TNS3: variants seen among roughly 807,000 people sequenced by gnomAD.
TNS3 encodes the protein tensin 3.
TNS3 carries 45 observed loss-of-function variants against 140.9 expected under a neutral mutation model. That is an observed-to-expected ratio of 0.32 (90% CI 0.25 to 0.41). The LOEUF is 0.41. TNS3 is among the 10% of genes least tolerant of loss of function. The probability of loss-of-function intolerance (pLI) is 1.00; values close to 1 mark genes in which losing one functional copy is unlikely to be tolerated. For synonymous variants in TNS3, 815 were observed against 788.4 expected (o/e 1.03, Z -0.56); for missense variants, 1,716 against 1,906.7 (o/e 0.90, Z 1.86).
At chr7:47,311,572 T>C (rs898909363) in intron 20 of TNS3, among the ~76,000 whole-genome samples, 7 of 151,888 alleles carry the variant, frequency 4.6e-5, no homozygotes, top group African/African-American at 1.5e-4. Context: ...GCAAAAGAAA[T>C]TGTGAGTGAA....
chr7:47,460,609 C>T (rs891694947), intron 4 of TNS3, among the ~76,000 whole-genome samples: 12 of 152,244 alleles, frequency 7.9e-5, no homozygotes. Context: ...TGGCAGGAAG[C>T]CAGGCTGACT....
chr7:47,481,444 C>T (rs1430063926), intron 3 of TNS3, among the ~76,000 whole-genome samples: 1 of 152,126 alleles, frequency 6.6e-6, no homozygotes, highest in Non-Finnish European at 1.5e-5. Flanking sequence ...ACTGGTAGAC[C>T]TCAAGGATGG....
intron 3 of TNS3, among the ~76,000 whole-genome samples, chr7:47,483,836 C>T (rs1026944053): frequency 3.9e-5 from 6 of 152,254 alleles, no homozygotes; most frequent in Non-Finnish European, 5.9e-5. Flanking sequence ...TAAGTTGGCA[C>T]GCCCAATCTT....
intron 16 of TNS3, among the ~76,000 whole-genome samples, chr7:47,384,152 A>G (rs1791937618): frequency 6.6e-6 from 1 of 152,258 alleles, no homozygotes; most frequent in Admixed American, 6.5e-5. Flanking sequence ...CATCCTCCTG[A>G]GCTGACATCC....
At chr7:47,444,136 G>T (rs1316947519) in intron 4 of TNS3, among the ~76,000 whole-genome samples, 1 of 152,190 alleles carries the variant, frequency 6.6e-6, no homozygotes, top group Non-Finnish European at 1.5e-5. Context: ...CTTAACCAGG[G>T]TCCCATTTAA....
At chr7:47,452,848 G>T in intron 4 of TNS3, 1 of 891,124 alleles carries the variant, frequency 1.1e-6, no homozygotes, top group Non-Finnish European at 1.3e-6. Flanking sequence ...AGTACCGGAG[G>T]CCACAGAGGA....
intron 20 of TNS3, among the ~76,000 whole-genome samples, chr7:47,339,410 T>TGGGTGCCC (rs1788817187): frequency 6.6e-6 from 1 of 152,210 alleles, no homozygotes. Flanking sequence ...GTTTTGCCTG[T>TGGGTGCCC]GGGTGCCCAG....
chr7:47,435,830 T>C (rs1795152543), intron 7 of TNS3, among the ~76,000 whole-genome samples: 3 of 152,130 alleles, frequency 2.0e-5, no homozygotes, highest in Admixed American at 6.5e-5. Context: ...GGACAACACC[T>C]CAGAGACAAT....
intron 20 of TNS3, among the ~76,000 whole-genome samples, chr7:47,308,168 T>C (rs1242325594): frequency 1.3e-5 from 2 of 152,240 alleles, no homozygotes; most frequent in Non-Finnish European, 2.9e-5. Context: ...TTTTTAAATA[T>C]GGATATTCAA....
intron 13 of TNS3, among the ~76,000 whole-genome samples, chr7:47,408,931 T>C (rs888456915): frequency 2.0e-5 from 3 of 151,974 alleles, no homozygotes; most frequent in Admixed American, 2.0e-4. Context: ...CTACACGGTA[T>C]CAGTAGGTTC....
At chr7:47,481,295 T>A (rs997358847) in intron 3 of TNS3, 154 bp from the exon 4 acceptor site, 23 of 496,724 alleles carry the variant, frequency 4.6e-5, no homozygotes, top group Non-Finnish European at 7.0e-5. Flanking sequence ...AGATTTAGAG[T>A]TAAGAGAGTC....
chr7:47,536,062 G>C (rs1799586077), intron 1 of TNS3, among the ~76,000 whole-genome samples: 1 of 152,204 alleles, frequency 6.6e-6, no homozygotes, highest in Non-Finnish European at 1.5e-5. Context: ...CCGGGCCTCG[G>C]GGATATTTCC....
At chr7:47,363,745 A>G (rs745775670) in intron 17 of TNS3, among the ~76,000 whole-genome samples, 18 of 152,228 alleles carry the variant, frequency 1.2e-4, no homozygotes, top group Non-Finnish European at 1.5e-5. Flanking sequence ...GGTAGTCTCC[A>G]GTCAGTCAGG....
intron 16 of TNS3, among the ~76,000 whole-genome samples, chr7:47,373,585 ACCT>A (rs1478819092): frequency 6.6e-6 from 1 of 151,586 alleles, no homozygotes; most frequent in Non-Finnish European, 1.5e-5. Context: ...CAGCTCCCTC[ACCT>A]CCTCAACAGG....
At position 47,369,530 on chromosome 7, in the gene TNS3, C is replaced by T. The variant is rs765954686; in HGVS notation, c.1116G>A (p.Gln372=). Residue 372 remains glutamine (Q), a synonymous_variant, in exon 17 of 31, where the codon CAG becomes CAA. Coordinates refer to ENST00000311160, the MANE Select transcript of TNS3 (RefSeq NM_022748.12). ...CTGGGCTGTTGGTGGCCGGGATTGCCTGGGGGCCACCTGGGATGCCAGGAT... is the reference window on the plus strand; with the variant it reads ...CTGGGCTGTTGGTGGCCGGGATTGCTTGGGGGCCACCTGGGATGCCAGGAT... ...SSDPGIPGGP[Q]AIPATNSPDH... 6.2e-7 allele frequency: 1 copy of T among 1,613,704 alleles called. No homozygotes were observed. The highest frequency in any genetic ancestry group is 8.5e-7 in the Non-Finnish European group (1 of 1,179,850).
intron 1 of TNS3, among the ~76,000 whole-genome samples, chr7:47,577,873 G>T (rs1800710899): frequency 6.6e-6 from 1 of 152,124 alleles, no homozygotes; most frequent in African/African-American, 2.4e-5. Context: ...CCTGAGGGGT[G>T]GCTCTGAGGA....
At chr7:47,530,838 A>AAAAAAAAAAAAAAAAATATATATAT in intron 1 of TNS3, among the ~76,000 whole-genome samples, 1 of 54,566 alleles carries the variant, frequency 1.8e-5, no homozygotes, top group Non-Finnish European at 3.3e-5. Flanking sequence ...AAAAAAAAAA[A>AAAAAAAAAAAAAAAAATATATATAT]ATATATATAT....
intron 5 of TNS3, among the ~76,000 whole-genome samples, chr7:47,441,472 G>A (rs1014260805): frequency 6.6e-6 from 1 of 152,126 alleles, no homozygotes; most frequent in African/African-American, 2.4e-5. Flanking sequence ...CACTGTGCCC[G>A]GCCCATACAT....
At chr7:47,312,696 C>CT (rs983636485) in intron 20 of TNS3, among the ~76,000 whole-genome samples, 1 of 131,118 alleles carries the variant, frequency 7.6e-6, no homozygotes, top group Non-Finnish European at 1.5e-5. Context: ...GAGCAAAACT[C>CT]TGTCTCAAAA....
Sources: gnomAD v4.1 joint callset for allele counts (sites outside exome capture counted in the v4.1 genomes callset) on GRCh38, gnomAD v4.1.1 for gene constraint, MANE v1.5 for transcripts, NCBI Gene and HGNC (gene_info 2026-07-23, HGNC 2026-07-21) for gene names.